PEX14: variants seen among roughly 807,000 people sequenced by gnomAD.
The protein encoded by PEX14 is peroxisomal biogenesis factor 14, also known as peroxisomal membrane protein PEX14.
A neutral mutation model predicts 49.5 loss-of-function variants in PEX14; 15 were observed. The ratio of observed to expected loss-of-function variants is 0.30; its 90% confidence interval spans 0.20 to 0.47. PEX14 has a LOEUF of 0.47. PEX14 is among the 20% of genes least tolerant of loss of function. PEX14 has a pLI of 1.00. For missense variants in PEX14, 398 were observed against 494.8 expected (o/e 0.80, Z 1.86); for synonymous variants, 210 against 212.7 (o/e 0.99, Z 0.11).
chr1:10,508,351 C>A (rs1048618762), intron 2 of PEX14, among the ~76,000 whole-genome samples: 1 of 152,072 alleles, frequency 6.6e-6, no homozygotes, highest in Non-Finnish European at 1.5e-5. Flanking sequence ...GGACTACAGG[C>A]GCCCGCCACC....
chr1:10,510,913 CATT>C (rs923778414), intron 2 of PEX14, among the ~76,000 whole-genome samples: 21 of 152,316 alleles, frequency 1.4e-4, no homozygotes, highest in African/African-American at 4.1e-4. Context: ...TCAGAGGAAA[CATT>C]ATAACTGAGA....
In PEX14 at chr1:10,621,240, G is replaced by A. The variant is rs1238156456; in HGVS notation, c.385-1779G>A. On this transcript the variant is annotated intron_variant, in intron 5 of 8. Coordinates refer to ENST00000356607, the MANE Select transcript of PEX14 (RefSeq NM_004565.3). Reference sequence around the variant, plus strand: ...AAAAAGCCCTCGACTGGCTTTATAAGCACGTGAAGACTTTGGCTAGGGCAG... The same window carrying A: ...AAAAAGCCCTCGACTGGCTTTATAAACACGTGAAGACTTTGGCTAGGGCAG... Among the ~76,000 whole-genome samples the A allele has an allele frequency of 4.6e-5, 7 of 150,802 alleles. No individual in the cohort carries two copies. In the South Asian group the frequency reaches 8.4e-4, roughly 18 times the overall value.
At chr1:10,549,523 T>C (rs1055620455) in intron 3 of PEX14, among the ~76,000 whole-genome samples, 7 of 152,224 alleles carry the variant, frequency 4.6e-5, no homozygotes, top group African/African-American at 1.4e-4. Flanking sequence ...TGAGTCTATT[T>C]CTCATATTTA....
At chr1:10,476,646 C>A (rs926317013) in intron 1 of PEX14, among the ~76,000 whole-genome samples, 1 of 152,096 alleles carries the variant, frequency 6.6e-6, no homozygotes, top group Non-Finnish European at 1.5e-5. Flanking sequence ...TGCCTGCCAC[C>A]ACACCTGACT....
intron 7 of PEX14, among the ~76,000 whole-genome samples, chr1:10,624,961 A>T (rs1347633237): frequency 1.3e-5 from 2 of 152,150 alleles, no homozygotes; most frequent in Admixed American, 6.5e-5. Context: ...CCAACTCCCA[A>T]GGCAGTGTCC....
intron 4 of PEX14, among the ~76,000 whole-genome samples, chr1:10,603,126 G>T (rs1416561180): frequency 6.6e-6 from 1 of 152,224 alleles, no homozygotes; most frequent in African/African-American, 2.4e-5. Context: ...GAATGTGGTT[G>T]ACCTTGAGAT....
At chr1:10,584,223 C>T (rs1186776861) in intron 3 of PEX14, among the ~76,000 whole-genome samples, 2 of 152,022 alleles carry the variant, frequency 1.3e-5, no homozygotes, top group East Asian at 1.9e-4. Flanking sequence ...TGTGTGACTA[C>T]AAGTTTGGAG....
rs116832684 is a variant in PEX14 at position 10,556,532 on chromosome 1, G to T, written c.169+20235G>T. The stretch of plus-strand genomic sequence containing the variant: ...TCCCCTTGGAGGGCCAGAGGCAGTC[G>T]GTGTGCGCTGACCTCATCCTGGGGG... On this transcript the variant is annotated intron_variant, in intron 3 of 8. Coordinates refer to ENST00000356607, the MANE Select transcript of PEX14 (RefSeq NM_004565.3). Among the ~76,000 whole-genome samples, 438 of 152,168 alleles carry T rather than the reference G, an allele frequency of 2.9e-3. 2 individuals are homozygous for T. The highest frequency in any genetic ancestry group is 9.8e-3 in the African/African-American group (406 of 41,506).
At chr1:10,624,469 G>GGCCCT in intron 7 of PEX14, 32 bp downstream of exon 7, 1 of 1,421,888 alleles carries the variant, frequency 7.0e-7, no homozygotes, top group Non-Finnish European at 9.9e-7. Flanking sequence ...GGCCCTCCAG[G>GGCCCT]CCCAGGTCTG....
At chr1:10,522,070 C>T (rs12057729) in intron 2 of PEX14, among the ~76,000 whole-genome samples, 17,300 of 152,164 alleles carry the variant, frequency 0.11, 2,734 homozygotes, top group African/African-American at 0.35. Flanking sequence ...CTTGCATTAC[C>T]GTGGCCTTTA....
intron 1 of PEX14, among the ~76,000 whole-genome samples, chr1:10,489,495 A>C (rs1641432836): frequency 6.6e-6 from 1 of 152,122 alleles, no homozygotes; most frequent in Non-Finnish European, 1.5e-5. Context: ...GTCTCTCCTG[A>C]ATGCCCTGTG....
chr1:10,575,258 A>G (rs186268557), intron 3 of PEX14, among the ~76,000 whole-genome samples: 360 of 152,324 alleles, frequency 2.4e-3, no homozygotes, highest in Admixed American at 4.7e-3. Flanking sequence ...ACGTTCTATC[A>G]AAGTATATAA....
intron 2 of PEX14, among the ~76,000 whole-genome samples, chr1:10,519,719 T>C (rs905780531): frequency 2.0e-5 from 3 of 152,220 alleles, no homozygotes; most frequent in African/African-American, 7.2e-5. Flanking sequence ...CTTTCCCTGG[T>C]GGAAAGAAGA....
At chr1:10,626,388 GAC>G (rs1303936071) in intron 7 of PEX14, among the ~76,000 whole-genome samples, 1 of 152,200 alleles carries the variant, frequency 6.6e-6, no homozygotes, top group Non-Finnish European at 1.5e-5. Flanking sequence ...GGTGGTGGGT[GAC>G]ACGCACTCAC....
intron 4 of PEX14, among the ~76,000 whole-genome samples, chr1:10,604,912 G>A (rs993257083): frequency 9.9e-5 from 15 of 152,110 alleles, no homozygotes; most frequent in African/African-American, 1.4e-4. Context: ...TTCTTGTGCC[G>A]AGCCTGTAGT....
At chr1:10,550,086 T>G (rs552173712) in intron 3 of PEX14, among the ~76,000 whole-genome samples, 1 of 152,222 alleles carries the variant, frequency 6.6e-6, no homozygotes, top group East Asian at 1.9e-4. Flanking sequence ...GGAAGCAGAC[T>G]CCACAGAAAT....
At chr1:10,572,459 T>C (rs1640003110) in intron 3 of PEX14, among the ~76,000 whole-genome samples, 1 of 152,188 alleles carries the variant, frequency 6.6e-6, no homozygotes, top group South Asian at 2.1e-4. Context: ...TCATGAAAAC[T>C]GAAAGAAGGC....
At chr1:10,476,062 C>T (rs1347090461) in intron 1 of PEX14, among the ~76,000 whole-genome samples, 1 of 152,182 alleles carries the variant, frequency 6.6e-6, no homozygotes, top group Non-Finnish European at 1.5e-5. Context: ...ATAGTTTCAA[C>T]TTGGGGCCTC....
chr1:10,584,132 A>T (rs1163821860), intron 3 of PEX14, among the ~76,000 whole-genome samples: 1 of 152,144 alleles, frequency 6.6e-6, no homozygotes, highest in Non-Finnish European at 1.5e-5. Flanking sequence ...TTGGAAGTAA[A>T]TCCAATAGAA....
Sources: allele counts gnomAD v4.1 joint callset (sites outside exome capture counted in the v4.1 genomes callset), GRCh38; gene constraint gnomAD v4.1.1; transcripts MANE v1.5; gene names NCBI Gene and HGNC (gene_info 2026-07-23, HGNC 2026-07-21).